TNFRSF13B: variants seen among roughly 807,000 people sequenced by gnomAD.
TNFRSF13B encodes TNF receptor superfamily member 13B.
Under a neutral mutation model 24.0 loss-of-function variants are expected in TNFRSF13B, and 34 were observed. The ratio of observed to expected loss-of-function variants is 1.41; its 90% CI spans 1.08 to 1.88. The LOEUF (loss-of-function observed/expected upper bound fraction) is 1.88, where lower values mean the gene tolerates loss of function less well. TNFRSF13B is among the 40% of genes most tolerant of loss of function. The pLI is 0.00. For synonymous variants in TNFRSF13B, 173 were observed against 150.3 expected, an observed-to-expected ratio of 1.15 and a Z score of -1.10; for missense variants, 415 against 380.8, an observed-to-expected ratio of 1.09 and a Z score of -0.75.
intron 1 of TNFRSF13B, among the ~76,000 whole-genome samples, chr17:16,971,445 C>T (rs971177578): frequency 6.6e-6 from 1 of 151,846 alleles, no homozygotes; most frequent in South Asian, 2.1e-4. Context: ...TGGGTGGAAA[C>T]TGTTATAGAT....
rs752740455 is a variant in TNFRSF13B, at chr17:16,952,536, C to G, written c.109G>C (p.Glu37Gln). 2.3e-5 allele frequency: 37 copies of G among 1,614,090 alleles called. 1 individual carries two copies. The East Asian group carries it at 6.0e-4, about 26-fold the overall frequency. Reference sequence around the variant, plus strand: ...CCCAGCAGAGGATCCCAGTACTGCTCTTCGGGGCAGGATCTCATAGCCACC... The same window carrying G: ...CCCAGCAGAGGATCCCAGTACTGCTGTTCGGGGCAGGATCTCATAGCCACC... Reference protein sequence around the residue: ...TGVAMRSCPEEQYWDPLLGTC... With the variant: ...TGVAMRSCPEQQYWDPLLGTC... Residue 37 changes from glutamate to glutamine, a missense_variant, in exon 2 of 5, where the codon GAG becomes CAG. By Grantham distance (29) the Glu-to-Gln change is conservative (BLOSUM62 2). Coordinates refer to ENST00000261652, the MANE Select transcript of TNFRSF13B (RefSeq NM_012452.3).
intron 3 of TNFRSF13B, among the ~76,000 whole-genome samples, chr17:16,942,752 A>G (rs908528955): frequency 2.0e-5 from 3 of 152,234 alleles, no homozygotes; most frequent in Non-Finnish European, 4.4e-5. Context: ...ACATTTGTGC[A>G]TATTTCAAAC....
intron 3 of TNFRSF13B, among the ~76,000 whole-genome samples, chr17:16,946,868 A>G (rs898845541): frequency 6.6e-6 from 1 of 152,184 alleles, no homozygotes; most frequent in African/African-American, 2.4e-5. Flanking sequence ...GATTACAGGC[A>G]TGAGTCACCA....
In TNFRSF13B at chr17:16,939,189, C is replaced by A; in HGVS notation, c.*358G>T. ...TATTGCACGTGTGGTTAGGTGATGA[C>A]GACCTACAGCTGCACTGGGAACTGG... On this transcript the variant is annotated 3_prime_UTR_variant, in exon 5 of 5. Coordinates refer to ENST00000261652, the MANE Select transcript of TNFRSF13B (RefSeq NM_012452.3). 1 of 211,920 alleles carries A rather than the reference C, an allele frequency of 4.7e-6. No homozygotes were observed. Among genetic ancestry groups the A allele is most frequent in the Non-Finnish European group, 9.4e-6 (1 of 106,378 alleles). The allele number at this position is 211,920 out of a possible 1,614,324, so 13.1% of individuals were successfully genotyped here. A position where few individuals can be genotyped will look rare whatever the true frequency, so the allele number is the denominator to read the frequency against.
In TNFRSF13B at chr17:16,971,314, A is replaced by C. The variant is rs184267954; in HGVS notation, c.61+701T>G. ...CAGAAAGCCGAGATCATGCCATTGC[A>C]CTCCAACCTGGGTGACAGAGCAAGA... On this transcript the variant is annotated intron_variant, in intron 1 of 4. Transcript: ENST00000261652. Among the ~76,000 whole-genome samples, 13 of 152,274 alleles carry C rather than the reference A, an allele frequency of 8.5e-5. No individual in the cohort carries two copies. The East Asian group carries it at 2.5e-3, about 29-fold the overall frequency.
intron 1 of TNFRSF13B, among the ~76,000 whole-genome samples, chr17:16,968,701 G>T (rs1015299234): frequency 2.0e-5 from 3 of 152,154 alleles, no homozygotes; most frequent in African/African-American, 7.2e-5. Flanking sequence ...GATCAAAATT[G>T]GACTTAATCA....
chr17:16,939,453 C>A lies in TNFRSF13B; in HGVS notation c.*94G>T, dbSNP rs571356374. The A allele has an allele frequency of 1.9e-5, 27 of 1,411,370 alleles. No individual in the cohort carries two copies. The highest frequency in any genetic ancestry group is 2.1e-5 in the Admixed American group (1 of 47,240). The allele number at this position is 1,411,370 out of a possible 1,614,324, so 87.4% of individuals were successfully genotyped here. On this transcript the variant is annotated 3_prime_UTR_variant, in exon 5 of 5. Coordinates refer to ENST00000261652, the MANE Select transcript of TNFRSF13B (RefSeq NM_012452.3). ...CTCCCTCTCTGCCTCCTCTGTCTCTCTCTCCTCATATCTCTCTCCCCTCTC... is the reference window on the plus strand; with the variant it reads ...CTCCCTCTCTGCCTCCTCTGTCTCTATCTCCTCATATCTCTCTCCCCTCTC...
At chr17:16,956,209 C>T (rs1376847524) in intron 1 of TNFRSF13B, among the ~76,000 whole-genome samples, 1 of 152,204 alleles carries the variant, frequency 6.6e-6, no homozygotes, top group African/African-American at 2.4e-5. Context: ...TGGAAAAATA[C>T]ATAGCTTAAA....
At chr17:16,962,281 T>C (rs1418818317) in intron 1 of TNFRSF13B, among the ~76,000 whole-genome samples, 1 of 151,938 alleles carries the variant, frequency 6.6e-6, no homozygotes, top group Non-Finnish European at 1.5e-5. Context: ...CCAAGGCAGG[T>C]GGATCATTTG....
In TNFRSF13B at chr17:16,939,672, G is replaced by T. The variant is rs2087492931; in HGVS notation, c.757C>A (p.Pro253Thr). ...CACCCCCACCTTCCAGCACAAGTGGGGTCGGGGGTCCCAGGCGTGACTGCG... is the reference window on the plus strand; with the variant it reads ...CACCCCCACCTTCCAGCACAAGTGGTGTCGGGGGTCCCAGGCGTGACTGCG... ...ESAVTPGTPD[P>T]TCAGRWGCHT... Residue 253 changes from proline to threonine, a missense_variant, in exon 5 of 5, where the codon CCC becomes ACC. By Grantham distance (38) the Pro-to-Thr change is conservative. Coordinates refer to ENST00000261652, the MANE Select transcript of TNFRSF13B (RefSeq NM_012452.3). The T allele has an allele frequency of 6.2e-7, 1 of 1,611,540 alleles. No homozygotes were observed. Among genetic ancestry groups the T allele is most frequent in the South Asian group, 1.1e-5 (1 of 90,812 alleles).
Position 16,972,065 on chromosome 17 carries a change from A to G in TNFRSF13B, c.11T>C (p.Leu4Pro), listed in dbSNP as rs2087749301. Residue 4 changes from leucine (L) to proline (P), a missense_variant, in exon 1 of 5, where the codon CTG (leucine) becomes CCG (proline). Coordinates refer to ENST00000261652, the MANE Select transcript of TNFRSF13B (RefSeq NM_012452.3). Reference protein sequence around the residue: MSGLGRSRRGGRSR... With the variant: MSGPGRSRRGGRSR... The stretch of plus-strand genomic sequence containing the variant: ...CCGGCCACCTCGCCTGCTCCGGCCC[A>G]GGCCACTCATTACTCAGGATGCTTA... 2 of 1,613,832 alleles carry G rather than the reference A, an allele frequency of 1.2e-6. No homozygotes were observed. Among genetic ancestry groups the G allele is most frequent in the Admixed American group, 1.7e-5 (1 of 60,014 alleles).
chr17:16,945,206 A>G (rs2087539098), intron 3 of TNFRSF13B, among the ~76,000 whole-genome samples: 1 of 152,200 alleles, frequency 6.6e-6, no homozygotes. Flanking sequence ...TGGCACCAAC[A>G]CATCCTCACA....
chr17:16,959,103 A>T (rs2087644404), intron 1 of TNFRSF13B, among the ~76,000 whole-genome samples: 1 of 152,082 alleles, frequency 6.6e-6, no homozygotes, highest in South Asian at 2.1e-4. Flanking sequence ...TTAATTTTTT[A>T]AAATTAAAAT....
intron 1 of TNFRSF13B, among the ~76,000 whole-genome samples, chr17:16,971,071 G>C (rs9904866): frequency 0.47 from 71,601 of 152,058 alleles, 17,124 homozygotes; most frequent in African/African-American, 0.49. Context: ...ATACGGGCCG[G>C]GTGCCGTGGC....
chr17:16,962,411 G>A (rs1464654921), intron 1 of TNFRSF13B, among the ~76,000 whole-genome samples: 2 of 152,036 alleles, frequency 1.3e-5, no homozygotes, highest in African/African-American at 4.8e-5. Context: ...AGAAGCTGAG[G>A]CAGGAGAATC....
chr17:16,939,665 CAAGTG>C lies in TNFRSF13B; in HGVS notation c.759_763del (p.Thr254CysfsTer149). 6.2e-7 allele frequency: 1 copy of C among 1,612,006 alleles called. No individual in the cohort carries two copies. The highest frequency in any genetic ancestry group is 8.5e-7 in the Non-Finnish European group (1 of 1,178,522). On this transcript the variant is annotated frameshift_variant, in exon 5 of 5. Coordinates refer to ENST00000261652, the MANE Select transcript of TNFRSF13B (RefSeq NM_012452.3). LOFTEE classifies it low-confidence loss of function (END_TRUNC). Reference sequence around the variant, plus strand: ...GGTGTGGCACCCCCACCTTCCAGCACAAGTGGGGTCGGGGGTCCCAGGCGTGACTG... The same window carrying C: ...GGTGTGGCACCCCCACCTTCCAGCACGGGTCGGGGGTCCCAGGCGTGACTG...
At chr17:16,965,052 T>C (rs1047308764) in intron 1 of TNFRSF13B, among the ~76,000 whole-genome samples, 7 of 152,112 alleles carry the variant, frequency 4.6e-5, no homozygotes, top group African/African-American at 1.7e-4. Flanking sequence ...AATGGGTTAA[T>C]AGTTATCATT....
intron 1 of TNFRSF13B, among the ~76,000 whole-genome samples, chr17:16,961,786 G>A (rs1015074370): frequency 2.0e-5 from 3 of 152,194 alleles, no homozygotes; most frequent in African/African-American, 7.2e-5. Context: ...ATGGAGCAAT[G>A]CCTTAAAGTT....
At chr17:16,941,207 G>C (rs1014659545) in intron 3 of TNFRSF13B, 1 of 984,474 alleles carries the variant, frequency 1.0e-6, no homozygotes, top group African/African-American at 1.7e-5. Flanking sequence ...TCCAGCTGCT[G>C]TTGGTTGAAT....
Sources: allele counts gnomAD v4.1 joint callset (sites outside exome capture counted in the v4.1 genomes callset), GRCh38; gene constraint gnomAD v4.1.1; transcripts MANE v1.5; gene names NCBI Gene and HGNC (gene_info 2026-07-23, HGNC 2026-07-21).